Variants in IPO5 observed in about 807,000 individuals in gnomAD.
IPO5 encodes importin 5.
Under a neutral mutation model 143.3 loss-of-function variants are expected in IPO5, and 18 were observed. The ratio of observed to expected loss-of-function variants is 0.13; its 90% confidence interval spans 0.09 to 0.19. The LOEUF is 0.19. Ranked by LOEUF, IPO5 falls within the 10% of genes least tolerant of loss-of-function variation. IPO5 has a pLI of 1.00. For missense variants in IPO5, 1,013 were observed against 1,336.9 expected, an observed-to-expected ratio of 0.76 and a Z score of 3.78; for synonymous variants, 477 against 465.7, an observed-to-expected ratio of 1.02 and a Z score of -0.31.
rs548853922 is a variant in IPO5 at position 98,018,399 on chromosome 13, T to C, written c.2617-86T>C. The C allele has an allele frequency of 1.2e-4, 121 of 978,104 alleles. 4 individuals carry two copies. The South Asian group carries it at 1.8e-3, about 15-fold the overall frequency. The allele number at this position is 978,104 out of a possible 1,614,324, so 60.6% of individuals were successfully genotyped here. Reference sequence around the variant, plus strand: ...CTTTTGCCTGTATGAGGAATATCAATGTAAGCAGATAGTCTATAGTGAATA... The same window carrying C: ...CTTTTGCCTGTATGAGGAATATCAACGTAAGCAGATAGTCTATAGTGAATA... On this transcript the variant is annotated intron_variant, in intron 25 of 28. Coordinates refer to ENST00000651721, the MANE Select transcript of IPO5 (RefSeq NM_002271.6).
chr13:97,987,664 G>T (rs1887483540), intron 6 of IPO5, among the ~76,000 whole-genome samples: 1 of 152,048 alleles, frequency 6.6e-6, no homozygotes, highest in Non-Finnish European at 1.5e-5. Context: ...GCTAATTTTT[G>T]TATTTTTTTA....
At chr13:98,019,417 C>G (rs533246496) in intron 26 of IPO5, among the ~76,000 whole-genome samples, 164 bp from the exon 27 acceptor site, 1 of 152,324 alleles carries the variant, frequency 6.6e-6, no homozygotes, top group Non-Finnish European at 1.5e-5. Flanking sequence ...GCAGTCCCCC[C>G]TCTGTTGCCA....
chr13:97,958,816 G>T (rs572989269), intron 2 of IPO5, among the ~76,000 whole-genome samples: 3 of 127,768 alleles, frequency 2.3e-5, no homozygotes, highest in Non-Finnish European at 4.8e-5. Context: ...AAAGTTGAAA[G>T]CTTCTCAGGT....
At position 97,966,408 on chromosome 13, in the gene IPO5, T is replaced by C. The variant is rs1594019860; in HGVS notation, c.-112-3315T>C. ...AGATGCTCATATAGTTTTTACGCTT[T>C]ATTAATATGGTATATTACATTGATT... On this transcript the variant is annotated intron_variant, in intron 2 of 28. Coordinates refer to ENST00000651721, the MANE Select transcript of IPO5 (RefSeq NM_002271.6). Among the ~76,000 whole-genome samples the C allele has an allele frequency of 2.6e-5, 4 of 152,326 alleles. 1 individual carries two copies. The highest frequency in any genetic ancestry group is 2.6e-4 in the Admixed American group (4 of 15,282).
At chr13:97,980,631 C>T (rs1288489973) in intron 4 of IPO5, among the ~76,000 whole-genome samples, 4 of 151,518 alleles carry the variant, frequency 2.6e-5, no homozygotes, top group South Asian at 4.2e-4. Context: ...AGTTCAAGAC[C>T]AGCCTGGCCA....
At position 98,002,765 on chromosome 13, in the gene IPO5, C is replaced by T. The variant is rs769611200; in HGVS notation, c.1315C>T (p.His439Tyr). Residue 439 changes from histidine to tyrosine, a missense_variant, in exon 15 of 29, where the codon CAT becomes TAT. Coordinates refer to ENST00000651721, the MANE Select transcript of IPO5 (RefSeq NM_002271.6). ...DFAPGFQKKF[H>Y]EKVIAALLQT... ...TGCACCTGGTTTCCAAAAGAAATTT[C>T]ATGAGAAGGTAAGTAACAAGTCCTC... The T allele has an allele frequency of 1.2e-6, 2 of 1,610,424 alleles. No individual in the cohort carries two copies. The highest frequency in any genetic ancestry group is 4.5e-5 in the East Asian group (2 of 44,878).
Position 97,985,581 on chromosome 13 carries a change from A to G in IPO5, c.332A>G (p.Asp111Gly). Residue 111 changes from aspartate (D) to glycine (G), a missense_variant, in exon 6 of 29, where the codon GAT becomes GGT. Asp to Gly is a moderately conservative substitution (Grantham distance 94). Transcript: ENST00000651721. The stretch of plus-strand genomic sequence containing the variant: ...TCTAGCATGAGGAAAAAAGTTTGTG[A>G]TATTGCGGCAGAACTGGCCAGGAAT... ...TQSSMRKKVC[D>G]IAAELARNLI... 1 of 1,613,920 alleles carries G rather than the reference A, an allele frequency of 6.2e-7. No homozygotes were observed. The highest frequency in any genetic ancestry group is 8.5e-7 in the Non-Finnish European group (1 of 1,179,978).
intron 13 of IPO5, among the ~76,000 whole-genome samples, chr13:98,001,250 G>A (rs1370855801): frequency 6.6e-6 from 1 of 152,126 alleles, no homozygotes; most frequent in Non-Finnish European, 1.5e-5. Flanking sequence ...AAAGTTTATT[G>A]TTGTATGTGT....
chr13:97,988,934 A>T, intron 6 of IPO5, 128 bp from the exon 7 acceptor site: 2 of 517,840 alleles, frequency 3.9e-6, no homozygotes, highest in Non-Finnish European at 6.9e-6. Flanking sequence ...TGGAGTTTTT[A>T]AAAATAGCAA....
intron 4 of IPO5, among the ~76,000 whole-genome samples, chr13:97,978,529 T>C (rs1051233384): frequency 2.0e-5 from 3 of 152,156 alleles, no homozygotes; most frequent in Non-Finnish European, 4.4e-5. Context: ...AGAAGTGATA[T>C]GCATGTATTG....
chr13:98,005,504 A>G (rs1889161798), intron 16 of IPO5, among the ~76,000 whole-genome samples: 2 of 152,012 alleles, frequency 1.3e-5, no homozygotes, highest in Non-Finnish European at 2.9e-5. Context: ...CTGGGATTAC[A>G]GAAGAATTAT....
chr13:97,977,456 C>T (rs1886472758), intron 4 of IPO5, among the ~76,000 whole-genome samples: 1 of 152,174 alleles, frequency 6.6e-6, no homozygotes, highest in African/African-American at 2.4e-5. Context: ...GCTTATAATA[C>T]ACTTACTCTG....
chr13:98,012,809 T>TTTTTTTTTGTTTTG (rs1889822435), intron 21 of IPO5, among the ~76,000 whole-genome samples: 2 of 146,678 alleles, frequency 1.4e-5, no homozygotes, highest in East Asian at 2.4e-4. Context: ...TGATTTTTTT[T>TTTTTTTTTGTTTTG]TTTTTTTTTT....
chr13:98,011,313 CAG>C (rs749734761), intron 20 of IPO5, among the ~76,000 whole-genome samples: 12 of 151,804 alleles, frequency 7.9e-5, no homozygotes, highest in East Asian at 1.9e-4. Context: ...CTTTTTGAAA[CAG>C]AGTCTTACTC....
rs181240597 is a variant in IPO5 at position 98,012,254 on chromosome 13, T to C, written c.2064T>C (p.Tyr688=). The change falls in exon 21 of 29, where the codon TAT becomes TAC. Residue 688 remains tyrosine, a synonymous_variant. Coordinates refer to ENST00000651721, the MANE Select transcript of IPO5 (RefSeq NM_002271.6). The part of the protein sequence containing the change: ...KSTACQMLVC[Y]AKELKEGFVE... ...CAATACTTTGGTTACAGGTTTGCTATGCTAAGGAGTTAAAGGAAGGCTTTG... is the reference window on the plus strand; with the variant it reads ...CAATACTTTGGTTACAGGTTTGCTACGCTAAGGAGTTAAAGGAAGGCTTTG... The C allele has an allele frequency of 1.2e-5, 19 of 1,601,318 alleles. No homozygotes were observed. The Admixed American group carries it at 3.2e-4, about 27-fold the overall frequency.
At chr13:97,971,270 G>T (rs550041833) in intron 3 of IPO5, among the ~76,000 whole-genome samples, 1 of 152,176 alleles carries the variant, frequency 6.6e-6, no homozygotes, top group Admixed American at 6.5e-5. Flanking sequence ...AGGGCCTATT[G>T]TGCACAGTGT....
chr13:98,013,536 C>G (rs1479111970), intron 21 of IPO5, among the ~76,000 whole-genome samples: 1 of 152,070 alleles, frequency 6.6e-6, no homozygotes, highest in Non-Finnish European at 1.5e-5. Flanking sequence ...ACTTAACTTC[C>G]CAGGATGCCA....
rs769298840 is a variant in IPO5 at position 98,010,161 on chromosome 13, T to C, written c.1992T>C (p.Asp664=). The C allele has an allele frequency of 1.2e-6, 2 of 1,614,142 alleles. No individual in the cohort carries two copies. Among genetic ancestry groups the C allele is most frequent in the Non-Finnish European group, 1.7e-6 (2 of 1,179,978 alleles). The change falls in exon 20 of 29, where the codon GAT becomes GAC. Residue 664 remains aspartate, a synonymous_variant. Coordinates refer to ENST00000651721, the MANE Select transcript of IPO5 (RefSeq NM_002271.6). ...DDGWEFVNLG[D]QQSFGIKTAG... Reference sequence around the variant, plus strand: ...GTTGGGAATTTGTGAACCTTGGAGATCAGCAAAGCTTTGGTATTAAAACTG... The same window carrying C: ...GTTGGGAATTTGTGAACCTTGGAGACCAGCAAAGCTTTGGTATTAAAACTG...
chr13:97,976,644 C>A, intron 3 of IPO5, 49 bp from the exon 4 acceptor site: 1 of 883,868 alleles, frequency 1.1e-6, no homozygotes, highest in Non-Finnish European at 1.6e-6. Context: ...GGCCCGCGAG[C>A]GCGCCTCACG....
Sources: gnomAD v4.1 joint callset for allele counts (sites outside exome capture counted in the v4.1 genomes callset) on GRCh38, gnomAD v4.1.1 for gene constraint, MANE v1.5 for transcripts, NCBI Gene and HGNC (gene_info 2026-07-23, HGNC 2026-07-21) for gene names.